Variants in ADORA1 observed in about 807,000 individuals in gnomAD.
ADORA1 encodes the protein adenosine A1 receptor.
A neutral mutation model predicts 19.9 loss-of-function variants in ADORA1; 6 were observed. That is an observed-to-expected ratio of 0.30 (90% CI 0.17 to 0.59). The LOEUF (loss-of-function observed/expected upper bound fraction) is 0.59. Among genes scored for constraint, ADORA1 ranks in the 20% least tolerant of loss-of-function variants. The pLI, the probability that ADORA1 is intolerant of heterozygous loss-of-function variation, is 0.87. For synonymous variants in ADORA1, 194 were observed against 188.4 expected (o/e 1.03, Z -0.24); for missense variants, 302 against 439.2 (o/e 0.69, Z 2.79).
intron 3 of ADORA1, among the ~76,000 whole-genome samples, chr1:203,133,116 CTTT>C (rs1244047119): frequency 7.1e-6 from 1 of 140,916 alleles, no homozygotes. Flanking sequence ...ATAGACAATT[CTTT>C]TTTTTTTTTT....
chr1:203,128,814 C>T lies in ADORA1; in HGVS notation c.-28C>T, dbSNP rs199912976. Reference sequence around the variant, plus strand: ...TTGCCTCGTGCCCCTTGGTGCCCGTCTGCTGATGTGCCCAGCCTGTGCCCG... The same window carrying T: ...TTGCCTCGTGCCCCTTGGTGCCCGTTTGCTGATGTGCCCAGCCTGTGCCCG... On this transcript the variant is annotated 5_prime_UTR_variant, in exon 3 of 4. Coordinates refer to ENST00000337894, the MANE Select transcript of ADORA1 (RefSeq NM_000674.3). This position sits in a 1 kb window ranked among gnomAD's most constrained non-coding sequence, Gnocchi z 5.9. The T allele has an allele frequency of 7.7e-6, 12 of 1,563,856 alleles. No homozygotes were observed. Among genetic ancestry groups the T allele is most frequent in the Non-Finnish European group, 1.0e-5 (12 of 1,158,288 alleles).
At chr1:203,136,059 C>T (rs1208618709) in intron 3 of ADORA1, among the ~76,000 whole-genome samples, 1 of 152,076 alleles carries the variant, frequency 6.6e-6, no homozygotes, top group Non-Finnish European at 1.5e-5. Flanking sequence ...CTTGGTTGGC[C>T]TCATTCGGCA....
At chr1:203,130,321 C>T (rs1011550082) in intron 3 of ADORA1, among the ~76,000 whole-genome samples, 2 of 152,220 alleles carry the variant, frequency 1.3e-5, no homozygotes, top group South Asian at 2.1e-4. Context: ...ATCATCACGC[C>T]GCTGTAAGGG....
At chr1:203,138,977 C>G (rs1238623006) in intron 3 of ADORA1, among the ~76,000 whole-genome samples, 2 of 152,120 alleles carry the variant, frequency 1.3e-5, no homozygotes, top group Admixed American at 1.3e-4. Context: ...TGCCACCATG[C>G]CCGGCTAATA....
chr1:203,151,806 ATT>A (rs1655046060), intron 3 of ADORA1, among the ~76,000 whole-genome samples: 1 of 151,920 alleles, frequency 6.6e-6, no homozygotes, highest in African/African-American at 2.4e-5. Context: ...TCATTCATTC[ATT>A]CATTCATTCA....
At chr1:203,153,682 C>T (rs1655107382) in intron 3 of ADORA1, among the ~76,000 whole-genome samples, 2 of 152,120 alleles carry the variant, frequency 1.3e-5, no homozygotes, top group Non-Finnish European at 2.9e-5. Context: ...ATTCTTAGGC[C>T]TGACATCCTG....
At chr1:203,141,319 G>A (rs1654682783) in intron 3 of ADORA1, among the ~76,000 whole-genome samples, 1 of 152,218 alleles carries the variant, frequency 6.6e-6, no homozygotes, top group South Asian at 2.1e-4. Context: ...GGCGGTGAGA[G>A]CCAGACCTCT....
chr1:203,138,910 C>G (rs542058180), intron 3 of ADORA1, among the ~76,000 whole-genome samples: 37 of 152,218 alleles, frequency 2.4e-4, no homozygotes, highest in African/African-American at 8.7e-4. Flanking sequence ...CCTCCGCCTC[C>G]CGGGTTCAAG....
chr1:203,134,597 A>G (rs1413830337), intron 3 of ADORA1, among the ~76,000 whole-genome samples: 1 of 152,226 alleles, frequency 6.6e-6, no homozygotes, highest in African/African-American at 2.4e-5. Flanking sequence ...GAAGCCGGAG[A>G]ATGGCCAGGA....
chr1:203,128,300 G>C lies in ADORA1; in HGVS notation c.-190G>C, dbSNP rs1571776379. On this transcript the variant is annotated 5_prime_UTR_variant, in exon 2 of 4. Transcript: ENST00000337894. The surrounding 1 kb of genome is among the most constrained non-coding windows in gnomAD (Gnocchi z 5.9). ...AAGGCCGGGCTGGGAGCGCTGCGGC[G>C]GGAGCCGGAGGACTATGAGCTGCCG... The C allele has an allele frequency of 7.8e-7, 1 of 1,275,644 alleles. No homozygotes were observed. Among genetic ancestry groups the C allele is most frequent in the Non-Finnish European group, 1.0e-6 (1 of 979,208 alleles). 79.0% of individuals were successfully genotyped at this position (1,275,644 alleles called of 1,614,324 possible).
intron 3 of ADORA1, chr1:203,150,730 T>A (rs1403101065): frequency 2.3e-6 from 3 of 1,289,686 alleles, no homozygotes; most frequent in South Asian, 1.2e-5. Flanking sequence ...AGCTGTGGAA[T>A]GCGGAGCTGA....
chr1:203,148,851 T>G (rs551523868), intron 3 of ADORA1, among the ~76,000 whole-genome samples: 80 of 152,184 alleles, frequency 5.3e-4, no homozygotes, highest in Non-Finnish European at 1.5e-5. Context: ...CCTGGTGGCG[T>G]TCCCCAAGGC....
chr1:203,137,409 G>A (rs1046169142), intron 3 of ADORA1, among the ~76,000 whole-genome samples: 9 of 152,204 alleles, frequency 5.9e-5, no homozygotes, highest in African/African-American at 2.2e-4. Context: ...CTTTTACTCT[G>A]AGGGAAATGG....
rs141128107 is a variant in ADORA1 at position 203,134,461 on chromosome 1, G to A, written c.341+5279G>A. 4.3e-3 allele frequency among the ~76,000 whole-genome samples: 654 copies of A among 152,316 alleles called. 6 individuals are homozygous for A. Among genetic ancestry groups the A allele is most frequent in the African/African-American group, 0.015 (637 of 41,556 alleles). ...GCTTGCTGGGCCAAGGGAGAACATG[G>A]CCTTTAATTGAAGAGGCATCTGGAC... is the stretch of plus-strand genomic sequence containing the variant. On this transcript the variant is annotated intron_variant, in intron 3 of 3. Coordinates refer to ENST00000337894, the MANE Select transcript of ADORA1 (RefSeq NM_000674.3).
At chr1:203,152,580 GTTTTTTCCTGTCCCACGGGA>G (rs984008687) in intron 3 of ADORA1, 1 of 8,292 alleles carries the variant, frequency 1.2e-4, no homozygotes, top group Non-Finnish European at 2.2e-4. Context: ...AGATGGGATG[GTTTTTTCCTGTCCCACGGGA>G]TGAGTCAGAA....
intron 3 of ADORA1, among the ~76,000 whole-genome samples, chr1:203,163,063 G>T (rs1377837348): frequency 6.6e-6 from 1 of 152,180 alleles, no homozygotes; most frequent in Non-Finnish European, 1.5e-5. Flanking sequence ...CACCATATCT[G>T]AGAGGACACC....
intron 3 of ADORA1, chr1:203,152,409 CAG>C (rs1655066546): frequency 6.6e-6 from 1 of 152,270 alleles, no homozygotes; most frequent in Admixed American, 6.5e-5. Context: ...CTGCAAAGAC[CAG>C]AGAGGCCTAT....
At chr1:203,149,882 T>G (rs557280542) in intron 3 of ADORA1, 8 of 152,322 alleles carry the variant, frequency 5.3e-5, no homozygotes, top group African/African-American at 1.9e-4. Context: ...CTTTTTTTTT[T>G]GCTTCTCTTT....
chr1:203,163,456 T>C (rs1235875827), intron 3 of ADORA1, among the ~76,000 whole-genome samples: 2 of 152,128 alleles, frequency 1.3e-5, no homozygotes, highest in Non-Finnish European at 2.9e-5. Flanking sequence ...GAGTGAGGAT[T>C]GTATCTAAGA....
Sources: gnomAD v4.1 joint callset for allele counts (sites outside exome capture counted in the v4.1 genomes callset) on GRCh38, gnomAD v4.1.1 for gene constraint, Gnocchi (gnomAD v3.1) non-coding constraint, MANE v1.5 for transcripts, NCBI Gene and HGNC (gene_info 2026-07-23, HGNC 2026-07-21) for gene names.